Variants in TBX15 observed in about 807,000 individuals in gnomAD.
The protein encoded by TBX15 is T-box transcription factor TBX15.
TBX15 carries 18 observed loss-of-function variants against 53.9 expected under a neutral mutation model. The observed-to-expected ratio is 0.33, with a 90% CI of 0.23 to 0.49. The LOEUF (loss-of-function observed/expected upper bound fraction) is 0.49, where lower values mean the gene tolerates loss of function less well. Ranked by LOEUF, TBX15 falls within the 20% of genes least tolerant of loss-of-function variation. The probability of loss-of-function intolerance (pLI) is 0.98; values close to 1 mark genes in which losing one functional copy is unlikely to be tolerated. For missense variants in TBX15, 692 were observed against 749.5 expected, an observed-to-expected ratio of 0.92 and a Z score of 0.90; for synonymous variants, 295 against 278.0, an observed-to-expected ratio of 1.06 and a Z score of -0.61.
At chr1:118,985,464 C>G (rs754627412) in intron 1 of TBX15, among the ~76,000 whole-genome samples, 1 of 152,210 alleles carries the variant, frequency 6.6e-6, no homozygotes, top group Non-Finnish European at 1.5e-5. Context: ...CGCCGCGTCT[C>G]CACGCCACGG....
chr1:118,953,773 T>C (rs1656594681), intron 1 of TBX15, among the ~76,000 whole-genome samples: 1 of 152,250 alleles, frequency 6.6e-6, no homozygotes, highest in African/African-American at 2.4e-5. Context: ...GTGAAATTTT[T>C]TGATGAATGT....
intron 1 of TBX15, among the ~76,000 whole-genome samples, chr1:118,953,266 C>A (rs1164323654): frequency 6.6e-6 from 1 of 152,044 alleles, no homozygotes; most frequent in Non-Finnish European, 1.5e-5. Flanking sequence ...TTATTTTAAC[C>A]CTTATAACAC....
At chr1:118,931,559 T>C (rs1025693313) in intron 2 of TBX15, 60 bp downstream of exon 2, 18 of 1,570,854 alleles carry the variant, frequency 1.1e-5, no homozygotes, top group Non-Finnish European at 1.6e-5. Context: ...TGGAAGAATG[T>C]AATGGCTCCT....
Position 118,923,521 on chromosome 1 carries a change from T to A in TBX15, c.776A>T (p.Lys259Met). Residue 259 changes from lysine (K) to methionine (M), a missense_variant, in exon 5 of 8, where the codon AAG (lysine) becomes ATG (methionine). Physicochemically the swap from Lys to Met is moderately conservative, Grantham distance 95. Coordinates refer to ENST00000369429, the MANE Select transcript of TBX15 (RefSeq NM_001330677.2). The part of the protein sequence containing the change: ...KDFSSDLSPT[K>M]PVPVGDGVKT... ...CACCCCATCCCCAACAGGAACAGGC[T>A]TAGTGGGTGAAAGGTCACTGCTGAA... 6.2e-7 allele frequency: 1 copy of A among 1,613,980 alleles called. No individual in the cohort carries two copies. The highest frequency in any genetic ancestry group is 1.1e-5 in the South Asian group (1 of 91,070).
At chr1:118,892,030 G>C (rs1282765557) in intron 7 of TBX15, among the ~76,000 whole-genome samples, 1 of 152,164 alleles carries the variant, frequency 6.6e-6, no homozygotes, top group Non-Finnish European at 1.5e-5. Flanking sequence ...AATGAGAATG[G>C]TAGGACTAGA....
chr1:118,952,340 A>AT (rs1012904360), intron 1 of TBX15, among the ~76,000 whole-genome samples: 58 of 152,214 alleles, frequency 3.8e-4, no homozygotes, highest in Middle Eastern at 3.4e-3. Flanking sequence ...TTATATCGAG[A>AT]TTTTTGGCTA....
chr1:118,916,547 G>A (rs1303181122), intron 5 of TBX15, among the ~76,000 whole-genome samples: 5 of 152,028 alleles, frequency 3.3e-5, no homozygotes, highest in Admixed American at 1.3e-4. Flanking sequence ...ACCATCTCAC[G>A]CCAGTCAGAA....
chr1:118,937,532 T>C (rs1170995154), intron 1 of TBX15, among the ~76,000 whole-genome samples: 1 of 152,206 alleles, frequency 6.6e-6, no homozygotes, highest in Non-Finnish European at 1.5e-5. Context: ...CTTTGCCCCA[T>C]CTCATGTGTG....
intron 2 of TBX15, among the ~76,000 whole-genome samples, chr1:118,929,693 CA>C (rs898696789): frequency 6.6e-6 from 1 of 152,058 alleles, no homozygotes. Flanking sequence ...AGAAGAATTA[CA>C]AAATGAGTCA....
In TBX15 at chr1:118,885,108, T is replaced by G; in HGVS notation, c.1433A>C (p.Gln478Pro). ...QLGSFPTSQFQYVMQAGNAAS... is the reference protein window; with the variant it reads ...QLGSFPTSQFPYVMQAGNAAS... ...AGCATTGCCTGCCTGCATGACATAC[T>G]GAAACTGGGAAGTGGGAAAGGACCC... is the stretch of plus-strand genomic sequence containing the variant. Residue 478 changes from glutamine (Q) to proline (P), a missense_variant, in exon 8 of 8, where the codon CAG (glutamine) becomes CCG (proline). By Grantham distance (76) the Gln-to-Pro change is moderately conservative. This residue lies in a region of TBX15 where 375 missense variants were observed against 371.6 expected (regional missense o/e 1.01). Coordinates refer to ENST00000369429, the MANE Select transcript of TBX15 (RefSeq NM_001330677.2). The G allele has an allele frequency of 6.2e-7, 1 of 1,614,178 alleles. No homozygotes were observed. Among genetic ancestry groups the G allele is most frequent in the South Asian group, 1.1e-5 (1 of 91,082 alleles).
chr1:118,921,645 T>C (rs1294638133), intron 5 of TBX15, among the ~76,000 whole-genome samples: 2 of 152,248 alleles, frequency 1.3e-5, no homozygotes, highest in Non-Finnish European at 2.9e-5. Flanking sequence ...AGCCCATTGC[T>C]GTCTGTGGAG....
At chr1:118,922,255 C>T (rs1655449362) in intron 5 of TBX15, among the ~76,000 whole-genome samples, 1 of 152,156 alleles carries the variant, frequency 6.6e-6, no homozygotes, top group Non-Finnish European at 1.5e-5. Context: ...GACATGACGA[C>T]AGAGAGATCA....
intron 7 of TBX15, among the ~76,000 whole-genome samples, chr1:118,887,596 G>A (rs1441981316): frequency 6.6e-6 from 1 of 151,554 alleles, no homozygotes; most frequent in Non-Finnish European, 1.5e-5. Flanking sequence ...AATCTCTTGA[G>A]CCCAGGAGGC....
intron 7 of TBX15, among the ~76,000 whole-genome samples, chr1:118,895,288 G>A (rs758671838): frequency 6.6e-6 from 1 of 152,190 alleles, no homozygotes; most frequent in Non-Finnish European, 1.5e-5. Context: ...TTTTGTAAAT[G>A]GTGGATCCCC....
intron 7 of TBX15, among the ~76,000 whole-genome samples, chr1:118,890,654 A>G (rs946684603): frequency 6.6e-6 from 1 of 152,218 alleles, no homozygotes; most frequent in Non-Finnish European, 1.5e-5. Context: ...CCATAAAGAC[A>G]AGTTAAACGT....
chr1:118,923,849 A>G (rs1655507091), intron 4 of TBX15, among the ~76,000 whole-genome samples: 1 of 152,210 alleles, frequency 6.6e-6, no homozygotes, highest in South Asian at 2.1e-4. Context: ...CTTCAATTGG[A>G]TAATGCTGAA....
intron 1 of TBX15, among the ~76,000 whole-genome samples, chr1:118,949,644 ACCC>A (rs995270322): frequency 6.6e-6 from 1 of 152,148 alleles, no homozygotes; most frequent in Non-Finnish European, 1.5e-5. Context: ...CACTCAAGAA[ACCC>A]AATGTCCTTG....
intron 2 of TBX15, among the ~76,000 whole-genome samples, chr1:118,929,660 G>T (rs1281526715): frequency 6.6e-6 from 1 of 152,078 alleles, no homozygotes; most frequent in South Asian, 2.1e-4. Context: ...GTGAAATCAG[G>T]GATATGGAAA....
chr1:118,920,544 C>A (rs568565872), intron 5 of TBX15, among the ~76,000 whole-genome samples: 1 of 152,250 alleles, frequency 6.6e-6, no homozygotes, highest in Admixed American at 6.5e-5. Flanking sequence ...TGTAGTTGGT[C>A]ATTAGCCACA....
Sources: gnomAD v4.1 joint callset for allele counts (sites outside exome capture counted in the v4.1 genomes callset) on GRCh38, gnomAD v4.1.1 for gene constraint, gnomAD v4.1.1 regional missense constraint, MANE v1.5 for transcripts, NCBI Gene and HGNC (gene_info 2026-07-23, HGNC 2026-07-21) for gene names.